CFAP46: variants seen among roughly 807,000 people sequenced by gnomAD.
The protein encoded by CFAP46 is cilia and flagella associated protein 46.
CFAP46 carries 245 observed loss-of-function variants against 325.7 expected under a neutral mutation model. The observed-to-expected ratio is 0.75, with a 90% CI of 0.68 to 0.84. The LOEUF is 0.84. CFAP46 is among the 40% of genes least tolerant of loss of function. The pLI is 0.00. For missense variants in CFAP46, 3,346 were observed against 3,543.0 expected (o/e 0.94, Z 1.41); for synonymous variants, 1,523 against 1,495.9 (o/e 1.02, Z -0.42).
chr10:132,908,760 G>A lies in CFAP46; in HGVS notation c.2758-126C>T, dbSNP rs1007694665. 70 of 1,240,234 alleles carry A rather than the reference G, an allele frequency of 5.6e-5. No individual in the cohort carries two copies. In the Middle Eastern group the frequency reaches 2.0e-3, roughly 35 times the overall value. 76.8% of individuals were successfully genotyped at this position (1,240,234 alleles called of 1,614,324 possible). Reference sequence around the variant, plus strand: ...GAGGCGTGGCCTGTGAAGGGCCACCGTGCCACAAAAGCTGAGCTGCCACGT... The same window carrying A: ...GAGGCGTGGCCTGTGAAGGGCCACCATGCCACAAAAGCTGAGCTGCCACGT... On this transcript the variant is annotated intron_variant, in intron 21 of 57. Coordinates refer to ENST00000368586, the MANE Select transcript of CFAP46 (RefSeq NM_001200049.3).
At chr10:132,932,121 C>T (rs1292395258) in intron 8 of CFAP46, among the ~76,000 whole-genome samples, 1 of 151,132 alleles carries the variant, frequency 6.6e-6, no homozygotes, top group Non-Finnish European at 1.5e-5. Flanking sequence ...TCCTCCTCCC[C>T]ACACAGAGCC....
At chr10:132,850,509 G>A (rs1419368629) in intron 40 of CFAP46, 77 bp from the exon 41 acceptor site, 15 of 1,370,070 alleles carry the variant, frequency 1.1e-5, no homozygotes, top group Middle Eastern at 4.2e-4. Context: ...CAGTGAGCCC[G>A]CCCTCTGCTG....
chr10:132,820,869 T>TGA (rs1277955724), intron 50 of CFAP46, among the ~76,000 whole-genome samples: 1 of 137,206 alleles, frequency 7.3e-6, no homozygotes, highest in African/African-American at 2.8e-5. Flanking sequence ...GTGTGCTGTG[T>TGA]GTGCTGATGT....
chr10:132,849,091 G>A (rs571898460), intron 41 of CFAP46, among the ~76,000 whole-genome samples: 64 of 152,344 alleles, frequency 4.2e-4, no homozygotes, highest in South Asian at 1.7e-3. Flanking sequence ...CGGGGGCCGC[G>A]GAAGAACCCT....
rs1399492086 is a variant in CFAP46, at chr10:132,880,856, C to T, written c.3799+5G>A. 1.3e-6 allele frequency: 2 copies of T among 1,545,356 alleles called. No individual in the cohort carries two copies. The highest frequency in any genetic ancestry group is 1.7e-6 in the Non-Finnish European group (2 of 1,146,194). On this transcript the variant is annotated splice_donor_5th_base_variant and intron_variant, in intron 28 of 57. Transcript: ENST00000368586. ...GTCGGCACCCTGCCAGCGGCGTGGGCTCACCATCCGGCGTGGGCTGTGGCT... is the reference window on the plus strand; with the variant it reads ...GTCGGCACCCTGCCAGCGGCGTGGGTTCACCATCCGGCGTGGGCTGTGGCT...
intron 16 of CFAP46, 117 bp from the exon 17 acceptor site, chr10:132,916,799 G>A (rs1439999443): frequency 1.5e-6 from 2 of 1,363,376 alleles, no homozygotes; most frequent in Non-Finnish European, 1.9e-6. Flanking sequence ...CACAGGCTGT[G>A]AGACCCGTTT....
At chr10:132,845,031 AC>A (rs1360297438) in intron 44 of CFAP46, among the ~76,000 whole-genome samples, 1 of 151,686 alleles carries the variant, frequency 6.6e-6, no homozygotes, top group Admixed American at 6.6e-5. Flanking sequence ...GGCCACAGGC[AC>A]CCCCCTGCAT....
intron 55 of CFAP46, among the ~76,000 whole-genome samples, chr10:132,812,427 A>C (rs1420787435): frequency 6.6e-6 from 1 of 152,150 alleles, no homozygotes. Context: ...AGGGGCCGTG[A>C]CCAGCGCGGT....
At position 132,886,801 on chromosome 10, in the gene CFAP46, G is replaced by A. The variant is rs1415949169; in HGVS notation, c.3305-842C>T. On this transcript the variant is annotated intron_variant, in intron 25 of 57. Coordinates refer to ENST00000368586, the MANE Select transcript of CFAP46 (RefSeq NM_001200049.3). The surrounding 1 kb of genome is among the most constrained non-coding windows in gnomAD (Gnocchi z 5.8). ...GCCATGGAGGCCCCACCTCGGGAAG[G>A]GGTGCTGAGTGGCGGGTCTGTGCCT... is the stretch of plus-strand genomic sequence containing the variant. Among the ~76,000 whole-genome samples, 1 of 152,140 alleles carries A rather than the reference G, an allele frequency of 6.6e-6. No individual in the cohort carries two copies. The highest frequency in any genetic ancestry group is 2.4e-5 in the African/African-American group (1 of 41,396).
chr10:132,813,310 T>G (rs1328091853), intron 54 of CFAP46, among the ~76,000 whole-genome samples: 1 of 145,534 alleles, frequency 6.9e-6, no homozygotes, highest in East Asian at 2.0e-4. Context: ...GCCCCACCCC[T>G]GCACACACCT....
chr10:132,854,422 T>C (rs1022229904), intron 39 of CFAP46, among the ~76,000 whole-genome samples: 45 of 152,292 alleles, frequency 3.0e-4, no homozygotes, highest in African/African-American at 9.9e-4. Flanking sequence ...CTGCAAGCTC[T>C]TCCCCCCCAG....
At position 132,913,057 on chromosome 10, in the gene CFAP46, T is replaced by C; in HGVS notation, c.2322A>G (p.Thr774=). ...CAGCCCACACGCACCCACTGTGGCCTGTGGCCTTAACGATGCTCAGGAGGT... is the reference window on the plus strand; with the variant it reads ...CAGCCCACACGCACCCACTGTGGCCCGTGGCCTTAACGATGCTCAGGAGGT... The part of the protein sequence containing the change: ...LYHLLSIVKA[T]GHSGDPVMLV... Residue 774 remains threonine (T), a synonymous_variant, in exon 18 of 58, where the codon ACA becomes ACG. Transcript: ENST00000368586. 2 of 1,550,004 alleles carry C rather than the reference T, an allele frequency of 1.3e-6. No individual in the cohort carries two copies. Among genetic ancestry groups the C allele is most frequent in the Non-Finnish European group, 1.7e-6 (2 of 1,146,894 alleles).
rs1317963462 is a variant in CFAP46 at position 132,922,182 on chromosome 10, C to T, written c.1528G>A (p.Ala510Thr). The change falls in exon 13 of 58, where the codon GCC becomes ACC. Residue 510 changes from alanine (A) to threonine (T), a missense_variant. Ala to Thr is a moderately conservative substitution (Grantham distance 58). Transcript: ENST00000368586. ...TPKDSVRKKR[A>T]LLVNAGLALA... is the part of the protein sequence containing the mutation. The stretch of plus-strand genomic sequence containing the variant: ...GCCAGGCCTGCATTCACCAGGAGGG[C>T]CCGCTTCTTCCTGACGCTGTCCTTT... 1 of 1,550,388 alleles carries T rather than the reference C, an allele frequency of 6.4e-7. No homozygotes were observed. Among genetic ancestry groups the T allele is most frequent in the East Asian group, 2.4e-5 (1 of 40,934 alleles).
chr10:132,812,204 G>A (rs545582957), intron 55 of CFAP46, among the ~76,000 whole-genome samples: 3 of 152,340 alleles, frequency 2.0e-5, no homozygotes, highest in Admixed American at 6.5e-5. Flanking sequence ...ACAGGGTGAC[G>A]TACCCCTACG....
chr10:132,941,666 C>G lies in CFAP46; in HGVS notation c.231G>C (p.Ala77=). ...DCIQMYFKVK[A]PITQFLGRAH... The stretch of plus-strand genomic sequence containing the variant: ...CTCGGCCCAGAAACTGGGTGATGGG[C>G]GCCTTCACCTTGAAGTACATTTGGA... The change falls in exon 3 of 58, where the codon GCG becomes GCC. Residue 77 remains alanine (A), a synonymous_variant. Transcript: ENST00000368586. 1 of 1,614,024 alleles carries G rather than the reference C, an allele frequency of 6.2e-7. No homozygotes were observed. Among genetic ancestry groups the G allele is most frequent in the Middle Eastern group, 1.6e-4 (1 of 6,062 alleles).
intron 29 of CFAP46, among the ~76,000 whole-genome samples, chr10:132,879,005 C>A (rs781590110): frequency 6.6e-6 from 1 of 152,152 alleles, no homozygotes; most frequent in Non-Finnish European, 1.5e-5. Context: ...CGTCAGCGGG[C>A]GGTTCAGGAG....
intron 17 of CFAP46, 83 bp downstream of exon 17, chr10:132,916,466 C>G (rs1409124595): frequency 7.1e-7 from 1 of 1,410,058 alleles, no homozygotes; most frequent in African/African-American, 1.5e-5. Flanking sequence ...AAAGGGTGTC[C>G]CTCCCCACGC....
In CFAP46 at chr10:132,923,341, G is replaced by C. The variant is rs560885918; in HGVS notation, c.1257-633C>G. Among the ~76,000 whole-genome samples the C allele has an allele frequency of 5.1e-5, 7 of 137,348 alleles. No individual in the cohort carries two copies. In the East Asian group the frequency reaches 1.6e-3, roughly 31 times the overall value. 90.1% of individuals were successfully genotyped at this position (137,348 alleles called of 152,430 possible). A position where few individuals can be genotyped will look rare whatever the true frequency, so the allele number is the denominator to read the frequency against. On this transcript the variant is annotated intron_variant, in intron 11 of 57. Coordinates refer to ENST00000368586, the MANE Select transcript of CFAP46 (RefSeq NM_001200049.3). ...ATGTGGGGGTGCCCTGGAACCCCTG[G>C]CCTCGAGCAGCCATGTGGGGGTGCC... is the stretch of plus-strand genomic sequence containing the variant.
chr10:132,850,650 G>A (rs1274285761), intron 40 of CFAP46, among the ~76,000 whole-genome samples: 5 of 152,172 alleles, frequency 3.3e-5, no homozygotes, highest in Non-Finnish European at 7.4e-5. Context: ...TGACAAATCA[G>A]TTTTAGGCCC....
Sources: gnomAD v4.1 joint callset for allele counts (sites outside exome capture counted in the v4.1 genomes callset) on GRCh38, gnomAD v4.1.1 for gene constraint, Gnocchi (gnomAD v3.1) non-coding constraint, MANE v1.5 for transcripts, NCBI Gene and HGNC (gene_info 2026-07-23, HGNC 2026-07-21) for gene names.